The following NLGN4Y variants were observed in gnomAD, a reference collection of about 807,000 sequenced individuals.
NLGN4Y encodes neuroligin-4, Y-linked.
NLGN4Y carries 4 observed loss-of-function variants against 8.4 expected under a neutral mutation model. That is an observed-to-expected ratio of 0.48 (90% CI 0.23 to 1.09). The LOEUF (loss-of-function observed/expected upper bound fraction) is 1.09, where lower values mean the gene tolerates loss of function less well. NLGN4Y is among the 50% of genes least tolerant of loss of function. The pLI, the probability that NLGN4Y is intolerant of heterozygous loss-of-function variation, is 0.19. For missense variants in NLGN4Y, 90 were observed against 192.3 expected (o/e 0.47, Z 3.15); for synonymous variants, 35 against 75.6 (o/e 0.46, Z 2.78).
At chrY:14,758,153 G>T (rs2081068528) in intron 4 of NLGN4Y, among the ~76,000 whole-genome samples, 2 of 33,729 alleles carry the variant, frequency 5.9e-5, no homozygotes, top group African/African-American at 2.3e-4. Flanking sequence ...TCTGGTGACT[G>T]CACTATCATA....
At chrY:14,524,499 C>A, upstream of NLGN4Y, 4 of 116,954 alleles carry the variant, frequency 3.4e-5, no homozygotes, top group South Asian at 1.2e-4. Flanking sequence ...CTCCCCTAGG[C>A]GGAACTGAAA....
At chrY:14,726,753 T>C (rs2080956472) in intron 4 of NLGN4Y, among the ~76,000 whole-genome samples, 1 of 33,816 alleles carries the variant, frequency 3.0e-5, no homozygotes, top group African/African-American at 1.1e-4. Context: ...CAGATATTAT[T>C]GCTATTCAAA....
Position 14,740,460 on chromosome Y carries a change from G to A in NLGN4Y, c.685+17191G>A, listed in dbSNP as rs780934081. The stretch of plus-strand genomic sequence containing the variant: ...GGGTTAATTTTTGCAGAGTAATGAC[G>A]TTCTCAGCAGCAGCTGAACTCTGTA... On this transcript the variant is annotated intron_variant, in intron 4 of 6. Transcript: ENST00000684976. 1.2e-4 allele frequency among the ~76,000 whole-genome samples: 4 copies of A among 33,677 alleles called. No homozygotes were observed. In the East Asian group the frequency reaches 2.4e-3, roughly 20 times the overall value. 90.4% of individuals were successfully genotyped at this position (33,677 alleles called of 37,273 possible).
chrY:14,742,536 T>C, intron 4 of NLGN4Y, among the ~76,000 whole-genome samples: 1 of 32,772 alleles, frequency 3.1e-5, no homozygotes. Context: ...CCTCATACTT[T>C]TATATATTAA....
upstream of NLGN4Y, among the ~76,000 whole-genome samples, chrY:14,523,321 C>T (rs891136849): frequency 8.6e-4 from 28 of 32,465 alleles, no homozygotes; most frequent in Non-Finnish European, 3.7e-4. Context: ...AGCTCTGGGG[C>T]CATGTGCGGT....
chrY:14,782,656 A>T (rs969482409), intron 4 of NLGN4Y, among the ~76,000 whole-genome samples: 2 of 34,045 alleles, frequency 5.9e-5, no homozygotes, highest in African/African-American at 2.3e-4. Context: ...AATCCCAGTC[A>T]ACTCACAGAA....
At chrY:14,777,996 C>A in intron 4 of NLGN4Y, among the ~76,000 whole-genome samples, 1 of 29,871 alleles carries the variant, frequency 3.3e-5, no homozygotes, top group African/African-American at 1.3e-4. Flanking sequence ...TGCACCACTG[C>A]ATTCCAGCCT....
chrY:14,774,651 C>T, intron 4 of NLGN4Y, among the ~76,000 whole-genome samples: 2 of 32,759 alleles, frequency 6.1e-5, no homozygotes, highest in Admixed American at 2.8e-4. Flanking sequence ...CCAGCAATTC[C>T]ATTACTGGGT....
chrY:14,817,288 G>A, intron 4 of NLGN4Y, among the ~76,000 whole-genome samples: 1 of 33,650 alleles, frequency 3.0e-5, no homozygotes, highest in Non-Finnish European at 7.4e-5. Context: ...TCCACTAGAT[G>A]AGTATTTGCC....
intron 1 of NLGN4Y, among the ~76,000 whole-genome samples, chrY:14,560,163 C>A: frequency 3.0e-5 from 1 of 32,887 alleles, no homozygotes; most frequent in Non-Finnish European, 7.5e-5. Context: ...TCGTTTTCTT[C>A]TTTGTAAAAT....
chrY:14,579,724 C>T (rs2080309764), intron 1 of NLGN4Y, among the ~76,000 whole-genome samples: 1 of 32,094 alleles, frequency 3.1e-5, no homozygotes, highest in Non-Finnish European at 7.6e-5. Context: ...AAAACAACAA[C>T]AAACAAACAA....
At chrY:14,698,207 T>C (rs1603502808) in intron 2 of NLGN4Y, among the ~76,000 whole-genome samples, 2 of 33,653 alleles carry the variant, frequency 5.9e-5, no homozygotes, top group Non-Finnish European at 1.5e-4. Context: ...TTAGTTGACA[T>C]GTGAATACTA....
At chrY:14,788,235 A>G in intron 4 of NLGN4Y, among the ~76,000 whole-genome samples, 2 of 33,709 alleles carry the variant, frequency 5.9e-5, no homozygotes, top group Non-Finnish European at 1.5e-4. Context: ...TAAAACACAC[A>G]CATTTATTAT....
At chrY:14,724,140 A>G (rs2080947802) in intron 4 of NLGN4Y, among the ~76,000 whole-genome samples, 2 of 33,779 alleles carry the variant, frequency 5.9e-5, no homozygotes, top group Non-Finnish European at 1.5e-4. Flanking sequence ...TGTTGCATGC[A>G]TTTGATCTTG....
chrY:14,575,276 C>T, intron 1 of NLGN4Y, among the ~76,000 whole-genome samples: 1 of 33,169 alleles, frequency 3.0e-5, no homozygotes, highest in Admixed American at 2.8e-4. Flanking sequence ...TTCTTGGAGG[C>T]TTTTCTCTTT....
At chrY:14,660,700 C>T (rs2080671796) in intron 2 of NLGN4Y, among the ~76,000 whole-genome samples, 1 of 31,865 alleles carries the variant, frequency 3.1e-5, no homozygotes, top group Non-Finnish European at 7.6e-5. Flanking sequence ...TGCGGTCAGT[C>T]ATTCTACAAC....
intron 2 of NLGN4Y, among the ~76,000 whole-genome samples, chrY:14,654,647 A>G (rs2080642891): frequency 3.2e-5 from 1 of 31,227 alleles, no homozygotes; most frequent in African/African-American, 1.3e-4. Flanking sequence ...GTTTGGATTC[A>G]TCAAATTTCC....
intron 6 of NLGN4Y, among the ~76,000 whole-genome samples, chrY:14,834,512 CTTTT>C (rs2043190511): frequency 2.9e-5 from 1 of 34,034 alleles, no homozygotes; most frequent in Admixed American, 2.6e-4. Flanking sequence ...GCAGTGAGTT[CTTTT>C]GTTTCATTAG....
chrY:14,686,611 A>G (rs2080792318), intron 2 of NLGN4Y, among the ~76,000 whole-genome samples: 1 of 32,206 alleles, frequency 3.1e-5, no homozygotes, highest in Non-Finnish European at 7.6e-5. Flanking sequence ...TGTCTTATAT[A>G]TGATGTAATA....
Sources: allele counts gnomAD v4.1 joint callset (sites outside exome capture counted in the v4.1 genomes callset), GRCh38; gene constraint gnomAD v4.1.1; transcripts MANE v1.5; gene names NCBI Gene and HGNC (gene_info 2026-07-23, HGNC 2026-07-21).